The following MEX3C variants were observed in gnomAD, a reference collection of about 807,000 sequenced individuals.
MEX3C encodes the protein mex-3 RNA binding family member C.
MEX3C carries 15 observed loss-of-function variants against 35.5 expected under a neutral mutation model. The observed-to-expected ratio is 0.42, with a 90% CI of 0.28 to 0.65. MEX3C has a LOEUF of 0.65. MEX3C is among the 30% of genes least tolerant of loss of function. MEX3C has a pLI of 0.20. For synonymous variants in MEX3C, 390 were observed against 352.8 expected (o/e 1.11, Z -1.18); for missense variants, 711 against 842.8 (o/e 0.84, Z 1.94).
At chr18:51,180,448 G>A (rs1355316975) in intron 1 of MEX3C, among the ~76,000 whole-genome samples, 1 of 152,078 alleles carries the variant, frequency 6.6e-6, no homozygotes, top group African/African-American at 2.4e-5. Context: ...AGGGAAAAAA[G>A]TAAAAGGAAG....
chr18:51,196,979 CTCCTCCTCG>C lies in MEX3C; in HGVS notation c.333_341del (p.Asp111_Glu113del). The C allele has an allele frequency of 6.5e-7, 1 of 1,539,652 alleles. No individual in the cohort carries two copies. The highest frequency in any genetic ancestry group is 1.2e-5 in the South Asian group (1 of 83,512). On this transcript the variant is annotated inframe_deletion, in exon 1 of 2. Coordinates refer to ENST00000406189, the MANE Select transcript of MEX3C (RefSeq NM_016626.5). ...CTCCGTCCAGCTCCGCTTCCTCCCC[CTCCTCCTCG>C]TCCTCTTCCAGCTCCAGCTCGGCCG...
chr18:51,190,003 T>G (rs188585676), intron 1 of MEX3C, among the ~76,000 whole-genome samples: 273 of 152,316 alleles, frequency 1.8e-3, no homozygotes, highest in Non-Finnish European at 3.2e-3. Context: ...AAATTTACCT[T>G]ATCTGATATA....
In MEX3C at chr18:51,197,619, T is replaced by A. The variant is rs1220202891; in HGVS notation, c.-299A>T. ...CCCTCTCAGTGTTTCTTTTGTTTCA[T>A]GGCCTTAACCAGCCCCCGGCGCGCG... On this transcript the variant is annotated 5_prime_UTR_variant, in exon 1 of 2. It removes an upstream start codon present in the reference 5' UTR. Transcript: ENST00000406189. 2.0e-5 allele frequency among the ~76,000 whole-genome samples: 3 copies of A among 151,202 alleles called. No individual in the cohort carries two copies. Among genetic ancestry groups the A allele is most frequent in the Non-Finnish European group, 3.0e-5 (2 of 67,708 alleles).
Position 51,196,744 on chromosome 18 carries a change from C to T in MEX3C, c.577G>A (p.Ala193Thr), listed in dbSNP as rs770883423. The change falls in exon 1 of 2, where the codon GCC becomes ACC. Residue 193 changes from alanine to threonine, a missense_variant. This residue lies in a region of MEX3C where 354 missense variants were observed against 311.6 expected (regional missense o/e 1.14). Transcript: ENST00000406189. ...AGCATCGCCGCCATCATGCCCTGGG[C>T]ATCGTCCCCTCCGTACAGCACCCCC... ...AAGVLYGGDD[A>T]QGMMAAMLSH... 2 of 1,519,924 alleles carry T rather than the reference C, an allele frequency of 1.3e-6. No individual in the cohort carries two copies. The highest frequency in any genetic ancestry group is 1.8e-6 in the Non-Finnish European group (2 of 1,134,938). 94.2% of individuals were successfully genotyped at this position (1,519,924 alleles called of 1,614,324 possible).
chr18:51,196,950 A>T lies in MEX3C; in HGVS notation c.371T>A (p.Leu124Gln). 6.5e-7 allele frequency: 1 copy of T among 1,543,720 alleles called. No homozygotes were observed. The highest frequency in any genetic ancestry group is 8.7e-7 in the Non-Finnish European group (1 of 1,145,700). The part of the protein sequence containing the change: ...EGEEAELDGD[L>Q]LEEEELEEAE... ...TTCCTCCAGCTCCTCCTCCTCCAGC[A>T]GGTCTCCGTCCAGCTCCGCTTCCTC... is the stretch of plus-strand genomic sequence containing the variant. Residue 124 changes from leucine (L) to glutamine (Q), a missense_variant, in exon 1 of 2, where the codon CTG becomes CAG. Transcript: ENST00000406189.
intron 1 of MEX3C, among the ~76,000 whole-genome samples, chr18:51,187,755 G>A (rs1359384480): frequency 2.0e-5 from 3 of 151,916 alleles, no homozygotes; most frequent in Non-Finnish European, 2.9e-5. Context: ...ATCATCTCAC[G>A]TTTCATGATA....
chr18:51,186,452 G>A (rs1912540145), intron 1 of MEX3C, among the ~76,000 whole-genome samples: 1 of 152,224 alleles, frequency 6.6e-6, no homozygotes, highest in Non-Finnish European at 1.5e-5. Flanking sequence ...AGTACAGGAT[G>A]GCACAGTCAG....
chr18:51,184,991 C>T (rs1912507817), intron 1 of MEX3C, among the ~76,000 whole-genome samples: 1 of 152,196 alleles, frequency 6.6e-6, no homozygotes, highest in Non-Finnish European at 1.5e-5. Flanking sequence ...TTCCCTATTA[C>T]CTGCTTTAGT....
Position 51,177,048 on chromosome 18 carries a change from G to C in MEX3C, c.1283C>G (p.Ser428Cys). 6.2e-7 allele frequency: 1 copy of C among 1,613,998 alleles called. No individual in the cohort carries two copies. Among genetic ancestry groups the C allele is most frequent in the Non-Finnish European group, 8.5e-7 (1 of 1,179,904 alleles). Residue 428 changes from serine (S) to cysteine (C), a missense_variant, in exon 2 of 2, where the codon TCC becomes TGC. By Grantham distance (112) the Ser-to-Cys change is moderately radical. This residue lies in a region of MEX3C where 187 missense variants were observed against 201.7 expected (regional missense o/e 0.93). Coordinates refer to ENST00000406189, the MANE Select transcript of MEX3C (RefSeq NM_016626.5). The surrounding 1 kb of genome is among the most constrained non-coding windows in gnomAD (Gnocchi z 4.2). ...TGCGCGGCTAGGAGGAACAGGATTG[G>C]AGGAGAGCCACGCAGAGCCAAGAGT... ...GGTLGSAWLSSNPVPPSRARM... is the reference protein window; with the variant it reads ...GGTLGSAWLSCNPVPPSRARM...
rs553416925 is a variant in MEX3C at position 51,176,339 on chromosome 18, A to G, written c.*12T>C. 9.0e-5 allele frequency: 141 copies of G among 1,565,758 alleles called. 3 individuals carry two copies. In the South Asian group the frequency reaches 1.5e-3, roughly 17 times the overall value. ...CCATATAGAGATATAGTATTTATGT[A>G]TATATATATAGTTAAGAGTGAATTT... is the stretch of plus-strand genomic sequence containing the variant. On this transcript the variant is annotated 3_prime_UTR_variant, in exon 2 of 2. Transcript: ENST00000406189.
At position 51,197,026 on chromosome 18, in the gene MEX3C, C is replaced by T. The variant is rs772791869; in HGVS notation, c.295G>A (p.Gly99Arg). The T allele has an allele frequency of 6.6e-7, 1 of 1,517,378 alleles. No homozygotes were observed. The highest frequency in any genetic ancestry group is 2.0e-5 in the Admixed American group (1 of 49,194). The allele number at this position is 1,517,378 out of a possible 1,614,324, so 94.0% of individuals were successfully genotyped here. The change falls in exon 1 of 2, where the codon GGG becomes AGG. Residue 99 changes from glycine (G) to arginine (R), a missense_variant. Gly to Arg is a moderately radical substitution (Grantham distance 125). Transcript: ENST00000406189. The stretch of plus-strand genomic sequence containing the variant: ...TCCAGCTCGGCCGCCTCCGGGGCCC[C>T]GGGCCGGCCGGGCGGAGCCCGCTCC... Reference protein sequence around the residue: ...PEERAPPGRPGAPEAAELELE... With the variant: ...PEERAPPGRPRAPEAAELELE...
At chr18:51,191,779 A>T (rs1482991079) in intron 1 of MEX3C, among the ~76,000 whole-genome samples, 1 of 152,166 alleles carries the variant, frequency 6.6e-6, no homozygotes, top group African/African-American at 2.4e-5. Context: ...CAAAAGAGGA[A>T]TCTGAAGCCT....
In MEX3C at chr18:51,196,674, G is replaced by A; in HGVS notation, c.647C>T (p.Ala216Val). Residue 216 changes from alanine to valine, a missense_variant, in exon 1 of 2, where the codon GCC (alanine) becomes GTC (valine). By Grantham distance (64) the Ala-to-Val change is moderately conservative (BLOSUM62 0). Transcript: ENST00000406189. ...CAGGGCCGCCTGCTCCCCGTTCAGG[G>A]CGGCCGCCGCCGCCCCACAACCGCC... ...GPGGCGAAAA[A>V]LNGEQAALLR... The A allele has an allele frequency of 6.5e-7, 1 of 1,549,592 alleles. No homozygotes were observed.
At chr18:51,196,414 A>G (rs1912788199) in intron 1 of MEX3C, 153 bp downstream of exon 1, 1 of 1,409,426 alleles carries the variant, frequency 7.1e-7, no homozygotes, top group East Asian at 2.7e-5. Context: ...ACCCATCTTC[A>G]CATCTGGTCG....
At chr18:51,192,838 A>G in intron 1 of MEX3C, 1 of 152,206 alleles carries the variant, frequency 6.6e-6, no homozygotes, top group East Asian at 1.9e-4. Context: ...GAAGCACCTA[A>G]CATAGTACTA....
At chr18:51,191,363 G>C (rs1464171862) in intron 1 of MEX3C, among the ~76,000 whole-genome samples, 2 of 152,168 alleles carry the variant, frequency 1.3e-5, no homozygotes, top group Non-Finnish European at 2.9e-5. Context: ...TGGCACAACA[G>C]AAGATCAGTA....
At position 51,196,684 on chromosome 18, in the gene MEX3C, C is replaced by G. The variant is rs751036476; in HGVS notation, c.637G>C (p.Ala213Pro). The G allele has an allele frequency of 6.5e-7, 1 of 1,544,838 alleles. No homozygotes were observed. The highest frequency in any genetic ancestry group is 8.7e-7 in the Non-Finnish European group (1 of 1,150,562). Residue 213 changes from alanine (A) to proline (P), a missense_variant, in exon 1 of 2, where the codon GCG becomes CCG. Transcript: ENST00000406189. ...TGCTCCCCGTTCAGGGCGGCCGCCGCCGCCCCACAACCGCCGGGGCCGTAG... is the reference window on the plus strand; with the variant it reads ...TGCTCCCCGTTCAGGGCGGCCGCCGGCGCCCCACAACCGCCGGGGCCGTAG... ...HAYGPGGCGA[A>P]AAALNGEQAA...
intron 1 of MEX3C, among the ~76,000 whole-genome samples, chr18:51,183,690 G>A (rs1303336579): frequency 6.6e-6 from 1 of 152,194 alleles, no homozygotes; most frequent in African/African-American, 2.4e-5. Context: ...TTTAAAAGCA[G>A]AGGTTTTGGC....
At chr18:51,181,234 CA>C (rs1422148080) in intron 1 of MEX3C, among the ~76,000 whole-genome samples, 1 of 151,994 alleles carries the variant, frequency 6.6e-6, no homozygotes, top group East Asian at 1.9e-4. Context: ...TCACCAAAAA[CA>C]AAGTAAAAAA....
Sources: allele counts gnomAD v4.1 joint callset (sites outside exome capture counted in the v4.1 genomes callset), GRCh38; gene constraint gnomAD v4.1.1; regional missense constraint gnomAD v4.1.1; non-coding constraint Gnocchi (gnomAD v3.1); transcripts MANE v1.5; gene names NCBI Gene and HGNC (gene_info 2026-07-23, HGNC 2026-07-21).